Variants in WDR7 observed in about 807,000 individuals in gnomAD.
WDR7 encodes WD repeat domain 7, also known as WD repeat-containing protein 7.
WDR7 carries 46 observed loss-of-function variants against 169.4 expected under a neutral mutation model. The observed-to-expected ratio is 0.27, with a 90% CI of 0.21 to 0.35. WDR7 has a LOEUF of 0.35. WDR7 is among the 10% of genes least tolerant of loss of function. The pLI is 1.00. For synonymous variants in WDR7, 612 were observed against 666.8 expected, an observed-to-expected ratio of 0.92 and a Z score of 1.27; for missense variants, 1,534 against 1,859.3, an observed-to-expected ratio of 0.83 and a Z score of 3.22.
At chr18:56,762,601 C>G (rs556706959) in intron 16 of WDR7, among the ~76,000 whole-genome samples, 3 of 151,720 alleles carry the variant, frequency 2.0e-5, no homozygotes, top group African/African-American at 7.3e-5. Flanking sequence ...GTAATATGTC[C>G]TTGTTTTTAT....
intron 26 of WDR7, among the ~76,000 whole-genome samples, chr18:56,991,143 ATT>A (rs60092817): frequency 1.2e-4 from 13 of 110,708 alleles, no homozygotes; most frequent in Non-Finnish European, 1.2e-4. Context: ...CCTTCTCCTC[ATT>A]TTTTTTTTTT....
chr18:56,792,786 ACACACAGACACACATG>A (rs1194449578), intron 19 of WDR7, among the ~76,000 whole-genome samples: 133 of 152,026 alleles, frequency 8.7e-4, no homozygotes, highest in Middle Eastern at 3.4e-3. Context: ...ACACACACAC[ACACACAGACACACATG>A]CACACATACC....
intron 25 of WDR7, among the ~76,000 whole-genome samples, chr18:56,942,258 A>G (rs1022393865): frequency 5.5e-4 from 81 of 147,818 alleles, no homozygotes; most frequent in African/African-American, 2.0e-3. Context: ...CATGCAACCC[A>G]TGACACAAAA....
chr18:57,002,448 A>C (rs1052636638), intron 26 of WDR7, among the ~76,000 whole-genome samples: 35 of 152,194 alleles, frequency 2.3e-4, no homozygotes, highest in Non-Finnish European at 3.2e-4. Flanking sequence ...AGCTGCATAC[A>C]TTTTTGTTAA....
At chr18:57,024,189 T>C (rs1383939346) in intron 27 of WDR7, among the ~76,000 whole-genome samples, 1 of 152,164 alleles carries the variant, frequency 6.6e-6, no homozygotes, top group Non-Finnish European at 1.5e-5. Flanking sequence ...AATGAGTATT[T>C]ACTATCTTTG....
In WDR7 at chr18:56,771,336, A is replaced by T. The variant is rs189940617; in HGVS notation, c.2849-5446A>T. ...TTTAACAGTTTCATTAGTTATATGT[A>T]AAGAGTAAAAATGTTATTGGCCTTC... On this transcript the variant is annotated intron_variant, in intron 16 of 27. Transcript: ENST00000254442. Among the ~76,000 whole-genome samples the T allele has an allele frequency of 3.3e-5, 5 of 152,294 alleles. No individual in the cohort carries two copies. In the East Asian group the frequency reaches 9.7e-4, roughly 29 times the overall value.
At chr18:56,652,595 G>C (rs959813709) in intron 1 of WDR7, among the ~76,000 whole-genome samples, 4 of 152,120 alleles carry the variant, frequency 2.6e-5, no homozygotes, top group Non-Finnish European at 5.9e-5. Flanking sequence ...ATAAAAAACT[G>C]TCTAGTTCCA....
intron 21 of WDR7, among the ~76,000 whole-genome samples, chr18:56,894,589 T>C (rs1025831043): frequency 6.6e-6 from 1 of 152,140 alleles, no homozygotes; most frequent in South Asian, 2.1e-4. Context: ...TTGTATATTG[T>C]TCTATACTTT....
At position 56,997,813 on chromosome 18, in the gene WDR7, G is replaced by A. The variant is rs190797373; in HGVS notation, c.4165-22932G>A. Among the ~76,000 whole-genome samples the A allele has an allele frequency of 1.6e-3, 250 of 152,272 alleles. 2 individuals are homozygous for A. The highest frequency in any genetic ancestry group is 6.8e-3 in the Middle Eastern group (2 of 294). On this transcript the variant is annotated intron_variant, in intron 26 of 27. Transcript: ENST00000254442. ...AACAGTGGGATGTAAAATGTATATA[G>A]CAAGAGCTAAAAGTGTTGGAGAAGG...
chr18:56,746,508 T>C (rs533019528), intron 14 of WDR7, among the ~76,000 whole-genome samples: 2 of 152,314 alleles, frequency 1.3e-5, no homozygotes, highest in Non-Finnish European at 2.9e-5. Flanking sequence ...GTAAGTGTAG[T>C]ACTTGCTATA....
At chr18:56,883,744 G>A (rs1167375342) in intron 21 of WDR7, among the ~76,000 whole-genome samples, 3 of 152,068 alleles carry the variant, frequency 2.0e-5, no homozygotes, top group Non-Finnish European at 2.9e-5. Flanking sequence ...TCCCACGTAT[G>A]AGTGAGAACA....
intron 26 of WDR7, among the ~76,000 whole-genome samples, chr18:57,014,058 G>C (rs1015900037): frequency 6.6e-6 from 1 of 152,176 alleles, no homozygotes; most frequent in Admixed American, 6.5e-5. Context: ...GGGCACAGTG[G>C]TTCACGCCTA....
intron 15 of WDR7, 143 bp from the exon 16 acceptor site, chr18:56,758,722 A>AG (rs1039921887): frequency 3.2e-5 from 18 of 566,804 alleles, no homozygotes. Flanking sequence ...ACCAAAAAAA[A>AG]TCTTTCTGGA....
rs779096853 is a variant in WDR7 at position 56,691,741 on chromosome 18, G to A, written c.890G>A (p.Arg297His). The A allele has an allele frequency of 5.6e-6, 9 of 1,611,478 alleles. No homozygotes were observed. Among genetic ancestry groups the A allele is most frequent in the African/African-American group, 5.3e-5 (4 of 74,774 alleles). Residue 297 changes from arginine (R) to histidine (H), a missense_variant, in exon 9 of 28, where the codon CGC (arginine) becomes CAC (histidine). By Grantham distance (29) the Arg-to-His change is conservative (BLOSUM62 0). Coordinates refer to ENST00000254442, the MANE Select transcript of WDR7 (RefSeq NM_015285.3). Reference protein sequence around the residue: ...ASCLPASDSFRSDVGKAVENL... With the variant: ...ASCLPASDSFHSDVGKAVENL... ...TGCCTTCCAGCTAGTGATTCATTCC[G>A]CAGTGATGTGGGGAAGGCAGTTGAA... is the stretch of plus-strand genomic sequence containing the variant.
chr18:56,906,511 G>T (rs980422382), intron 21 of WDR7, among the ~76,000 whole-genome samples: 1 of 150,708 alleles, frequency 6.6e-6, no homozygotes, highest in Non-Finnish European at 1.5e-5. Context: ...AGGCTTATAT[G>T]CTTCTTTTTT....
At chr18:56,985,989 C>G (rs1016190497) in intron 26 of WDR7, among the ~76,000 whole-genome samples, 3 of 152,098 alleles carry the variant, frequency 2.0e-5, no homozygotes, top group Admixed American at 2.0e-4. Context: ...AAAGATAGGT[C>G]ACAAATTAGG....
At chr18:56,922,547 A>G (rs1447349452) in intron 21 of WDR7, among the ~76,000 whole-genome samples, 3 of 152,224 alleles carry the variant, frequency 2.0e-5, no homozygotes, top group African/African-American at 7.2e-5. Context: ...AAATACACAT[A>G]CGAAATATGA....
chr18:56,685,889 C>A lies in WDR7; in HGVS notation c.521-67C>A, dbSNP rs2025433324. 5 of 1,251,168 alleles carry A rather than the reference C, an allele frequency of 4.0e-6. No homozygotes were observed. In the Admixed American group the frequency reaches 9.2e-5, roughly 23 times the overall value. The allele number at this position is 1,251,168 out of a possible 1,614,324, so 77.5% of individuals were successfully genotyped here. A position where few individuals can be genotyped will look rare whatever the true frequency, so the allele number is the denominator to read the frequency against. On this transcript the variant is annotated intron_variant, in intron 5 of 27. Coordinates refer to ENST00000254442, the MANE Select transcript of WDR7 (RefSeq NM_015285.3). ...GTTTAATTTTATTCAAGCAAAACAT[C>A]TTAATATTTAGAAAAAGCGTATTAT... is the stretch of plus-strand genomic sequence containing the variant.
intron 14 of WDR7, among the ~76,000 whole-genome samples, chr18:56,742,544 G>A (rs1372406382): frequency 6.6e-6 from 1 of 152,170 alleles, no homozygotes; most frequent in Non-Finnish European, 1.5e-5. Context: ...GTCAAGTTCA[G>A]TTAAACATTT....
Sources: gnomAD v4.1 joint callset for allele counts (sites outside exome capture counted in the v4.1 genomes callset) on GRCh38, gnomAD v4.1.1 for gene constraint, MANE v1.5 for transcripts, NCBI Gene and HGNC (gene_info 2026-07-23, HGNC 2026-07-21) for gene names.